Variants in NUSAP1 observed in about 807,000 individuals in gnomAD.
The protein encoded by NUSAP1 is nucleolar and spindle-associated protein 1.
NUSAP1 carries 32 observed loss-of-function variants against 52.8 expected under a neutral mutation model. That is an observed-to-expected ratio of 0.61 (90% CI 0.46 to 0.81). The LOEUF is 0.81. Among genes scored for constraint, NUSAP1 ranks in the 40% least tolerant of loss-of-function variants. The pLI, the probability that NUSAP1 is intolerant of heterozygous loss-of-function variation, is 0.00. For synonymous variants in NUSAP1, 195 were observed against 183.1 expected (o/e 1.06, Z -0.52); for missense variants, 499 against 522.3 (o/e 0.96, Z 0.43).
At chr15:41,355,737 C>T (rs561624393) in intron 4 of NUSAP1, among the ~76,000 whole-genome samples, 32 of 151,530 alleles carry the variant, frequency 2.1e-4, no homozygotes, top group African/African-American at 7.3e-4. Flanking sequence ...AGTGCAGTTG[C>T]GCGATCTCGG....
intron 5 of NUSAP1, among the ~76,000 whole-genome samples, chr15:41,357,107 C>T (rs1267237818): frequency 1.3e-5 from 2 of 152,048 alleles, no homozygotes. Flanking sequence ...GGTTCTCACA[C>T]CTGTAATCCC....
chr15:41,349,773 T>TC (rs1330040575), intron 3 of NUSAP1, among the ~76,000 whole-genome samples: 1 of 149,360 alleles, frequency 6.7e-6, no homozygotes, highest in African/African-American at 2.4e-5. Context: ...TTTCTTTTTT[T>TC]TTTTTTTTTT....
rs530503439 is a variant in NUSAP1 at position 41,337,944 on chromosome 15, T to C, written c.94-4442T>C. On this transcript the variant is annotated intron_variant, in intron 1 of 10. Transcript: ENST00000559596. ...CTTTTCTTTTTTCTTTTTTTTTTTTTTTTTTTGAGTCACAGTCTTGCTCTG... is the reference window on the plus strand; with the variant it reads ...CTTTTCTTTTTTCTTTTTTTTTTTTCTTTTTTGAGTCACAGTCTTGCTCTG... Among the ~76,000 whole-genome samples, 6 of 145,486 alleles carry C rather than the reference T, an allele frequency of 4.1e-5. No individual in the cohort carries two copies. The East Asian group carries it at 9.8e-4, about 24-fold the overall frequency.
chr15:41,375,730 T>A lies in NUSAP1; in HGVS notation c.1025T>A (p.Leu342Ter). ...TTTTTAGTTATTACCCCATTCAAGT[T>A]GACAACTGAGGCAACGCAGACTCCA... Reference protein sequence around the residue: ...NSAAVITPFKLTTEATQTPVS... With the variant: ...NSAAVITPFK The change falls in exon 9 of 11, where the codon TTG (leucine) becomes TAG (stop). Residue 342 changes from leucine to a stop codon, truncating the protein, a stop_gained. Transcript: ENST00000559596. LOFTEE classifies it high-confidence loss of function. 6.8e-6 allele frequency: 11 copies of A among 1,613,216 alleles called. No individual in the cohort carries two copies. The highest frequency in any genetic ancestry group is 9.3e-6 in the Non-Finnish European group (11 of 1,179,196).
Position 41,332,910 on chromosome 15 carries a change from GA to G in NUSAP1, c.-46del. The G allele has an allele frequency of 6.9e-7, 1 of 1,459,790 alleles. No individual in the cohort carries two copies. The highest frequency in any genetic ancestry group is 9.5e-7 in the Non-Finnish European group (1 of 1,055,404). The allele number at this position is 1,459,790 out of a possible 1,614,324, so 90.4% of individuals were successfully genotyped here. A position where few individuals can be genotyped will look rare whatever the true frequency, so the allele number is the denominator to read the frequency against. On this transcript the variant is annotated 5_prime_UTR_variant, in exon 1 of 11. Transcript: ENST00000559596. The stretch of plus-strand genomic sequence containing the variant: ...CGCCAGGGATTTGAACCGCGCTGAC[GA>G]AGTTTGGTGATCCATCTTCCGAGTA...
intron 6 of NUSAP1, among the ~76,000 whole-genome samples, chr15:41,363,303 G>T (rs1489869875): frequency 2.1e-5 from 3 of 144,756 alleles, no homozygotes; most frequent in Admixed American, 7.0e-5. Context: ...AAAAAAAAAA[G>T]ATCTTGCCTG....
intron 6 of NUSAP1, among the ~76,000 whole-genome samples, chr15:41,358,979 T>G (rs1397292307): frequency 1.3e-5 from 2 of 152,132 alleles, no homozygotes; most frequent in Non-Finnish European, 2.9e-5. Flanking sequence ...TCCACAGGAC[T>G]CAAAGCCTCC....
chr15:41,356,183 A>G, intron 5 of NUSAP1, 43 bp downstream of exon 5: 1 of 1,111,848 alleles, frequency 9.0e-7, no homozygotes, highest in Non-Finnish European at 1.3e-6. Context: ...TGGTTGCCCC[A>G]CTTCGGAATG....
intron 5 of NUSAP1, 151 bp from the exon 6 acceptor site, chr15:41,357,998 T>G (rs1368507779): frequency 2.0e-6 from 1 of 498,450 alleles, no homozygotes; most frequent in African/African-American, 2.0e-5. Context: ...TTCCAAAAAC[T>G]AAGTATTTTG....
Position 41,371,625 on chromosome 15 carries a change from A to T in NUSAP1, c.947A>T (p.Lys316Ile), listed in dbSNP as rs1170192884. Residue 316 changes from lysine to isoleucine, a missense_variant, in exon 8 of 11, where the codon AAA (lysine) becomes ATA (isoleucine). Lys to Ile is a moderately radical substitution (Grantham distance 102, BLOSUM62 -3). Coordinates refer to ENST00000559596, the MANE Select transcript of NUSAP1 (RefSeq NM_016359.5). The stretch of plus-strand genomic sequence containing the variant: ...GTGACCGTGTCTGGGGGCACCCCAA[A>T]AGGCGAGGCTGTGCTTGGGACACAC... ...AHVTVSGGTP[K>I]GEAVLGTHKL... 1.2e-6 allele frequency: 2 copies of T among 1,611,038 alleles called. No individual in the cohort carries two copies. Among genetic ancestry groups the T allele is most frequent in the South Asian group, 2.2e-5 (2 of 90,766 alleles).
intron 8 of NUSAP1, among the ~76,000 whole-genome samples, chr15:41,372,174 C>T (rs1358843266): frequency 3.3e-5 from 5 of 152,056 alleles, no homozygotes; most frequent in African/African-American, 1.2e-4. Flanking sequence ...GAGACATAAG[C>T]AAAAACCAGA....
chr15:41,371,439 G>T, intron 7 of NUSAP1, 88 bp from the exon 8 acceptor site: 1 of 1,130,216 alleles, frequency 8.8e-7, no homozygotes, highest in South Asian at 2.1e-5. Context: ...TTCACTGCTT[G>T]CTAATAGTCA....
intron 8 of NUSAP1, among the ~76,000 whole-genome samples, chr15:41,374,715 C>T (rs1023888033): frequency 2.6e-5 from 4 of 151,830 alleles, no homozygotes; most frequent in Admixed American, 2.0e-4. Flanking sequence ...TTAGTAGACA[C>T]GGAGTTTCAC....
Position 41,372,494 on chromosome 15 carries a change from TTAAACATG to T in NUSAP1, c.1006+812_1006+819del, listed in dbSNP as rs143474969. 5.2e-3 allele frequency among the ~76,000 whole-genome samples: 791 copies of T among 152,334 alleles called. 16 individuals carry two copies. Among genetic ancestry groups the T allele is most frequent in the East Asian group, 0.046 (237 of 5,180 alleles). On this transcript the variant is annotated intron_variant, in intron 8 of 10. Transcript: ENST00000559596. Reference sequence around the variant, plus strand: ...ATATATGATGTTGCTATGAATACTCTTAAACATGTCTCCTGTACATGTGCAAGAGTTTC... The same window carrying T: ...ATATATGATGTTGCTATGAATACTCTTCTCCTGTACATGTGCAAGAGTTTC...
At position 41,355,143 on chromosome 15, in the gene NUSAP1, C is replaced by G. The variant is rs557106146; in HGVS notation, c.449-896C>G. Among the ~76,000 whole-genome samples, 25 of 150,690 alleles carry G rather than the reference C, an allele frequency of 1.7e-4. No individual in the cohort carries two copies. The South Asian group carries it at 5.1e-3, about 31-fold the overall frequency. The stretch of plus-strand genomic sequence containing the variant: ...GGGATTACAGGCATGAGCCACTGCA[C>G]CTGGCCAACTTTCTGTATTTTTATT... On this transcript the variant is annotated intron_variant, in intron 4 of 10. Coordinates refer to ENST00000559596, the MANE Select transcript of NUSAP1 (RefSeq NM_016359.5).
intron 1 of NUSAP1, among the ~76,000 whole-genome samples, chr15:41,336,129 G>C (rs1322399106): frequency 2.0e-5 from 3 of 151,196 alleles, no homozygotes; most frequent in African/African-American, 7.3e-5. Flanking sequence ...GCGTGGCAGG[G>C]GGCACCTGTA....
At chr15:41,362,386 A>G (rs2049209606) in intron 6 of NUSAP1, among the ~76,000 whole-genome samples, 1 of 148,060 alleles carries the variant, frequency 6.8e-6, no homozygotes, top group South Asian at 2.1e-4. Context: ...AATGGTATAT[A>G]TTATCTGTTT....
At chr15:41,364,942 A>G (rs1364345212) in intron 6 of NUSAP1, among the ~76,000 whole-genome samples, 1 of 152,152 alleles carries the variant, frequency 6.6e-6, no homozygotes, top group Non-Finnish European at 1.5e-5. Flanking sequence ...CTCCTTACTC[A>G]GCCTCAACTG....
intron 2 of NUSAP1, among the ~76,000 whole-genome samples, chr15:41,345,068 G>A (rs1232928445): frequency 6.6e-6 from 1 of 151,660 alleles, no homozygotes; most frequent in Non-Finnish European, 1.5e-5. Flanking sequence ...GGTACAATCA[G>A]GGCTCACTGC....
Sources: gnomAD v4.1 joint callset for allele counts (sites outside exome capture counted in the v4.1 genomes callset) on GRCh38, gnomAD v4.1.1 for gene constraint, MANE v1.5 for transcripts, NCBI Gene and HGNC (gene_info 2026-07-23, HGNC 2026-07-21) for gene names.